Variants in TIAM1 observed in about 807,000 individuals in gnomAD.
The protein encoded by TIAM1 is TIAM Rac1 associated GEF 1.
In TIAM1, 65 loss-of-function variants were observed where a neutral mutation model predicts 163.5. The observed-to-expected ratio is 0.40, with a 90% CI of 0.33 to 0.49. The LOEUF is 0.49. TIAM1 is among the 20% of genes least tolerant of loss of function. TIAM1 has a pLI of 0.77. For missense variants in TIAM1, 1,789 were observed against 2,044.7 expected (o/e 0.87, Z 2.41); for synonymous variants, 833 against 810.1 (o/e 1.03, Z -0.48).
At chr21:31,392,969 T>G (rs937474385) in intron 2 of TIAM1, among the ~76,000 whole-genome samples, 2 of 151,816 alleles carry the variant, frequency 1.3e-5, no homozygotes, top group African/African-American at 4.8e-5. Context: ...TTTTTTTTTT[T>G]TTTTGAGACT....
At chr21:31,467,392 G>T (rs935222127) in intron 1 of TIAM1, among the ~76,000 whole-genome samples, 9 of 152,116 alleles carry the variant, frequency 5.9e-5, no homozygotes, top group Non-Finnish European at 1.3e-4. Context: ...CGGCACTCTG[G>T]GAGGCCGAGG....
At chr21:31,520,841 T>C (rs949510281) in intron 1 of TIAM1, among the ~76,000 whole-genome samples, 1 of 152,218 alleles carries the variant, frequency 6.6e-6, no homozygotes, top group Admixed American at 6.5e-5. Flanking sequence ...CAAGACATGC[T>C]TCGCCCTCCA....
intron 1 of TIAM1, among the ~76,000 whole-genome samples, chr21:31,505,257 TCA>T (rs1473472795): frequency 7.9e-5 from 12 of 152,162 alleles, no homozygotes; most frequent in Admixed American, 4.6e-4. Context: ...GACATAGGAT[TCA>T]ATGATATAAC....
chr21:31,229,945 G>A (rs1009173495), intron 6 of TIAM1, among the ~76,000 whole-genome samples: 4 of 152,078 alleles, frequency 2.6e-5, no homozygotes, highest in Admixed American at 1.3e-4. Context: ...GAGCTACCGC[G>A]CCCGGCCATC....
At chr21:31,151,845 G>A (rs954404965) in intron 19 of TIAM1, among the ~76,000 whole-genome samples, 29 of 152,100 alleles carry the variant, frequency 1.9e-4, no homozygotes, top group African/African-American at 7.0e-4. Context: ...AGAAAGCCAA[G>A]CAGGGGAGAG....
chr21:31,326,597 G>A (rs1347377453), intron 2 of TIAM1, among the ~76,000 whole-genome samples: 1 of 152,100 alleles, frequency 6.6e-6, no homozygotes, highest in Non-Finnish European at 1.5e-5. Context: ...AAAAAGATAG[G>A]GCAAGTCCCT....
At chr21:31,460,218 G>A (rs1202635274) in intron 2 of TIAM1, among the ~76,000 whole-genome samples, 2 of 152,134 alleles carry the variant, frequency 1.3e-5, no homozygotes. Context: ...GTGGGTGGGT[G>A]GTCAAGCATC....
intron 1 of TIAM1, among the ~76,000 whole-genome samples, chr21:31,473,252 A>G (rs2045812242): frequency 6.6e-6 from 1 of 151,904 alleles, no homozygotes; most frequent in Non-Finnish European, 1.5e-5. Flanking sequence ...ACACGGTGAA[A>G]CCCCATCTCT....
chr21:31,472,560 G>A (rs1354052505), intron 1 of TIAM1, among the ~76,000 whole-genome samples: 1 of 152,118 alleles, frequency 6.6e-6, no homozygotes, highest in Non-Finnish European at 1.5e-5. Flanking sequence ...TGTCTGGTGT[G>A]CAGCAATAAC....
At chr21:31,477,797 A>T (rs1057210100) in intron 1 of TIAM1, among the ~76,000 whole-genome samples, 2 of 152,114 alleles carry the variant, frequency 1.3e-5, no homozygotes, top group African/African-American at 4.8e-5. Context: ...TTCATTTAGG[A>T]GGAAAGAGGA....
intron 25 of TIAM1, among the ~76,000 whole-genome samples, chr21:31,129,056 G>T (rs984334459): frequency 1.3e-5 from 2 of 152,190 alleles, no homozygotes; most frequent in African/African-American, 4.8e-5. Context: ...GCACCTGCAG[G>T]TCTCTACCAC....
At chr21:31,181,140 C>T (rs888203069) in intron 15 of TIAM1, among the ~76,000 whole-genome samples, 1 of 152,164 alleles carries the variant, frequency 6.6e-6, no homozygotes, top group African/African-American at 2.4e-5. Flanking sequence ...CCCGAGAACC[C>T]GGTCATGGAG....
At chr21:31,516,908 G>C (rs1442710993) in intron 1 of TIAM1, among the ~76,000 whole-genome samples, 1 of 151,608 alleles carries the variant, frequency 6.6e-6, no homozygotes, top group Non-Finnish European at 1.5e-5. Flanking sequence ...AAATTAGCTG[G>C]GCGTGGTGGC....
rs1200065239 is a variant in TIAM1, at chr21:31,203,058, A to G, written c.2389-46T>C. ...AGAAAGAAAATGTCTGTTCAATAGT[A>G]AATAGGCACAATTAGTTCTCCACCA... On this transcript the variant is annotated intron_variant, in intron 11 of 27. Transcript: ENST00000541036. 3.5e-6 allele frequency: 5 copies of G among 1,438,534 alleles called. No individual in the cohort carries two copies. The East Asian group carries it at 1.1e-4, about 33-fold the overall frequency. The allele number at this position is 1,438,534 out of a possible 1,614,324, so 89.1% of individuals were successfully genotyped here.
intron 6 of TIAM1, among the ~76,000 whole-genome samples, chr21:31,231,780 C>CTGAGG (rs1267487530): frequency 3.3e-5 from 5 of 152,074 alleles, no homozygotes; most frequent in African/African-American, 4.8e-5. Context: ...CTTTGGGAGG[C>CTGAGG]CAAGGTGGGC....
rs1015066357 is a variant in TIAM1, at chr21:31,130,921, T to C, written c.3911A>G (p.Tyr1304Cys). 1.9e-6 allele frequency: 3 copies of C among 1,614,058 alleles called. No individual in the cohort carries two copies. Among genetic ancestry groups the C allele is most frequent in the Middle Eastern group, 1.6e-4 (1 of 6,062 alleles). Residue 1304 changes from tyrosine (Y) to cysteine (C), a missense_variant, in exon 24 of 28, where the codon TAT becomes TGT. Around this residue, in one of 5 missense-constraint regions of TIAM1, gnomAD observed 415 missense variants for 439.2 expected, o/e 0.94. Transcript: ENST00000541036. Reference protein sequence around the residue: ...FVFKTAVVLVYKDGSKQKKKL... With the variant: ...FVFKTAVVLVCKDGSKQKKKL... ...CTTCTTCTGTTTGGAACCATCTTTA[T>C]ACACAAGGACCACAGCAGTTTTGAA... is the stretch of plus-strand genomic sequence containing the variant.
chr21:31,160,749 G>A lies in TIAM1; in HGVS notation c.2991+4213C>T, dbSNP rs548058950. Reference sequence around the variant, plus strand: ...ACGGTGAGACCCCGGAGCTGCACTCGCTTCCCACCAGTGCCCTCTGGGAAG... The same window carrying A: ...ACGGTGAGACCCCGGAGCTGCACTCACTTCCCACCAGTGCCCTCTGGGAAG... On this transcript the variant is annotated intron_variant, in intron 16 of 27. Transcript: ENST00000541036. The A allele has an allele frequency of 1.8e-4, 68 of 370,226 alleles. 1 individual carries two copies. Among genetic ancestry groups the A allele is most frequent in the East Asian group, 1.2e-3 (31 of 25,572 alleles). The allele number at this position is 370,226 out of a possible 1,614,324, so 22.9% of individuals were successfully genotyped here. A position where few individuals can be genotyped will look rare whatever the true frequency, so the allele number is the denominator to read the frequency against.
chr21:31,433,909 C>T (rs1210567391), intron 2 of TIAM1, among the ~76,000 whole-genome samples: 1 of 152,022 alleles, frequency 6.6e-6, no homozygotes, highest in Non-Finnish European at 1.5e-5. Flanking sequence ...GCGATCCTCG[C>T]ACCTCAGCCT....
intron 16 of TIAM1, among the ~76,000 whole-genome samples, chr21:31,158,857 T>C (rs1402748396): frequency 2.0e-5 from 3 of 152,040 alleles, no homozygotes; most frequent in Non-Finnish European, 2.9e-5. Flanking sequence ...AGCCATGATG[T>C]GGAATATAGG....
Sources: gnomAD v4.1 joint callset for allele counts (sites outside exome capture counted in the v4.1 genomes callset) on GRCh38, gnomAD v4.1.1 for gene constraint, gnomAD v4.1.1 regional missense constraint, MANE v1.5 for transcripts, NCBI Gene and HGNC (gene_info 2026-07-23, HGNC 2026-07-21) for gene names.